Variants in ERC2 observed in about 807,000 individuals in gnomAD.
The protein encoded by ERC2 is ERC protein 2.
Under a neutral mutation model 114.8 loss-of-function variants are expected in ERC2, and 42 were observed. That is an observed-to-expected ratio of 0.37 (90% CI 0.29 to 0.47). The LOEUF (loss-of-function observed/expected upper bound fraction) is 0.47, where lower values mean the gene tolerates loss of function less well. Ranked by LOEUF, ERC2 falls within the 20% of genes least tolerant of loss-of-function variation. The probability of loss-of-function intolerance (pLI) is 0.99; values close to 1 mark genes in which losing one functional copy is unlikely to be tolerated. For missense variants in ERC2, 939 were observed against 1,150.7 expected (o/e 0.82, Z 2.66); for synonymous variants, 454 against 425.5 (o/e 1.07, Z -0.82).
chr3:56,326,918 A>G (rs755021806), intron 2 of ERC2, among the ~76,000 whole-genome samples: 1 of 152,132 alleles, frequency 6.6e-6, no homozygotes, highest in Non-Finnish European at 1.5e-5. Context: ...TTCTCTGGGG[A>G]TCCCTGGCCC....
At chr3:56,406,133 T>C (rs1194341984) in intron 2 of ERC2, among the ~76,000 whole-genome samples, 4 of 130,728 alleles carry the variant, frequency 3.1e-5, no homozygotes, top group Non-Finnish European at 5.1e-5. Context: ...CCTCAAGTGA[T>C]CTGCCCACAT....
intron 13 of ERC2, among the ~76,000 whole-genome samples, chr3:55,928,802 G>A (rs543163252): frequency 6.6e-6 from 1 of 152,208 alleles, no homozygotes; most frequent in African/African-American, 2.4e-5. Context: ...AGAGACTGGG[G>A]GCTAGTTTCA....
chr3:56,128,798 CT>C (rs1390556984), intron 6 of ERC2, among the ~76,000 whole-genome samples: 1 of 152,138 alleles, frequency 6.6e-6, no homozygotes, highest in Admixed American at 6.5e-5. Flanking sequence ...ATTGCTGGGG[CT>C]GGGCAAAGGA....
At chr3:55,654,025 G>A (rs1386137214) in intron 17 of ERC2, among the ~76,000 whole-genome samples, 3 of 152,176 alleles carry the variant, frequency 2.0e-5, no homozygotes, top group Non-Finnish European at 4.4e-5. Context: ...TTGCATCCAA[G>A]AAGGCCCAGA....
chr3:55,593,784 C>G (rs868161630), intron 17 of ERC2, among the ~76,000 whole-genome samples: 2 of 152,148 alleles, frequency 1.3e-5, no homozygotes, highest in Non-Finnish European at 2.9e-5. Flanking sequence ...CTTCTGGCTC[C>G]CTCCTCTTGG....
chr3:55,708,082 T>C (rs1215288358), intron 15 of ERC2, among the ~76,000 whole-genome samples: 1 of 152,170 alleles, frequency 6.6e-6, no homozygotes, highest in Non-Finnish European at 1.5e-5. Flanking sequence ...ACTCCAATCA[T>C]AGCTTTAAAG....
intron 15 of ERC2, 50 bp downstream of exon 15, chr3:55,734,721 C>T (rs763783855): frequency 1.4e-5 from 22 of 1,560,700 alleles, no homozygotes; most frequent in Middle Eastern, 3.4e-4. Context: ...AGAGAAAGCC[C>T]CCAAAGCCCC....
chr3:56,438,450 CCTT>C (rs2062130046), intron 1 of ERC2, among the ~76,000 whole-genome samples: 1 of 152,218 alleles, frequency 6.6e-6, no homozygotes, highest in African/African-American at 2.4e-5. Flanking sequence ...CTGATTAAAA[CCTT>C]CTTCTCTGGC....
intron 14 of ERC2, among the ~76,000 whole-genome samples, chr3:55,840,803 TA>T (rs1268132377): frequency 6.6e-6 from 1 of 152,104 alleles, no homozygotes; most frequent in Admixed American, 6.6e-5. Context: ...TAAAAAGGTA[TA>T]ACTATTGATT....
Position 55,729,837 on chromosome 3 carries a change from C to CAAAAAAAAAAAAAAAAA in ERC2, c.2712+4917_2712+4933dup, listed in dbSNP as rs71096498. Among the ~76,000 whole-genome samples the CAAAAAAAAAAAAAAAAA allele has an allele frequency of 3.2e-3, 200 of 61,632 alleles. 61 individuals carry two copies. The highest frequency in any genetic ancestry group is 0.01 in the African/African-American group (117 of 11,684). 40.4% of individuals were successfully genotyped at this position (61,632 alleles called of 152,430 possible). A position where few individuals can be genotyped will look rare whatever the true frequency, so the allele number is the denominator to read the frequency against. ...AGGGTAATGCAGTGAGACTCTATCG[C>CAAAAAAAAAAAAAAAAA]AAAAAAAAAAAAAAAAAAAAAAAAA... On this transcript the variant is annotated intron_variant, in intron 15 of 17. Transcript: ENST00000288221.
chr3:55,573,302 C>T (rs1013441728), intron 17 of ERC2, among the ~76,000 whole-genome samples: 5 of 152,112 alleles, frequency 3.3e-5, no homozygotes, highest in African/African-American at 9.7e-5. Context: ...AATTGTTTTA[C>T]GGGGTTATTT....
rs532043740 is a variant in ERC2 at position 56,372,766 on chromosome 3, G to A, written c.657+61585C>T. Among the ~76,000 whole-genome samples the A allele has an allele frequency of 3.3e-5, 5 of 151,860 alleles. No homozygotes were observed. In the South Asian group the frequency reaches 8.4e-4, roughly 25 times the overall value. On this transcript the variant is annotated intron_variant, in intron 2 of 17. Coordinates refer to ENST00000288221, the MANE Select transcript of ERC2 (RefSeq NM_015576.3). ...GAAAAGAAAAGAAAATTAGAGCAAG[G>A]TCATACAGCAGAACAGGAGCTAGAA...
chr3:55,917,439 C>T (rs1223839950), intron 13 of ERC2, among the ~76,000 whole-genome samples: 19 of 152,066 alleles, frequency 1.2e-4, no homozygotes, highest in Admixed American at 1.2e-3. Flanking sequence ...ATACATGCTG[C>T]CACATGGATG....
At chr3:55,972,523 C>T (rs1364753590) in intron 12 of ERC2, among the ~76,000 whole-genome samples, 1 of 152,180 alleles carries the variant, frequency 6.6e-6, no homozygotes, top group Non-Finnish European at 1.5e-5. Flanking sequence ...TGAGAACATG[C>T]AGTGTTTGGT....
At chr3:56,236,766 C>A (rs949215644) in intron 3 of ERC2, among the ~76,000 whole-genome samples, 3 of 152,138 alleles carry the variant, frequency 2.0e-5, no homozygotes, top group African/African-American at 7.2e-5. Context: ...AAACTATTTC[C>A]AAGGCTTCAC....
chr3:56,260,514 C>T (rs1221162654), intron 3 of ERC2, among the ~76,000 whole-genome samples: 1 of 152,228 alleles, frequency 6.6e-6, no homozygotes, highest in African/African-American at 2.4e-5. Context: ...AGCAGCCCTT[C>T]TGTTACCCAC....
chr3:55,762,635 C>T (rs566264539), intron 14 of ERC2, among the ~76,000 whole-genome samples: 23 of 152,224 alleles, frequency 1.5e-4, no homozygotes, highest in African/African-American at 5.1e-4. Context: ...AACGAAGGGA[C>T]CCAGACCTTG....
intron 17 of ERC2, among the ~76,000 whole-genome samples, chr3:55,647,526 G>A (rs2060446288): frequency 6.6e-6 from 1 of 152,028 alleles, no homozygotes; most frequent in Admixed American, 6.5e-5. Flanking sequence ...ATATACCCTG[G>A]CTTTCTGTGT....
At chr3:55,890,070 C>T (rs185900831) in intron 13 of ERC2, among the ~76,000 whole-genome samples, 2 of 152,308 alleles carry the variant, frequency 1.3e-5, no homozygotes, top group East Asian at 3.9e-4. Context: ...GACAAAACCA[C>T]CCCTATGTAA....
Sources: allele counts gnomAD v4.1 joint callset (sites outside exome capture counted in the v4.1 genomes callset), GRCh38; gene constraint gnomAD v4.1.1; transcripts MANE v1.5; gene names NCBI Gene and HGNC (gene_info 2026-07-23, HGNC 2026-07-21).